Variants in ARHGAP26 observed in about 807,000 individuals in gnomAD.
The protein encoded by ARHGAP26 is Rho GTPase activating protein 26, also known as rho GTPase-activating protein 26.
In ARHGAP26, 38 loss-of-function variants were observed where a neutral mutation model predicts 104.8. The ratio of observed to expected loss-of-function variants is 0.36; its 90% CI spans 0.28 to 0.48. The LOEUF is 0.48. ARHGAP26 is among the 20% of genes least tolerant of loss of function. The probability of loss-of-function intolerance (pLI) is 0.99; values close to 1 mark genes in which losing one functional copy is unlikely to be tolerated. For missense variants in ARHGAP26, 704 were observed against 947.9 expected (o/e 0.74, Z 3.38); for synonymous variants, 341 against 340.0 (o/e 1.00, Z -0.03).
At chr5:142,941,100 AG>A (rs1249528370) in intron 11 of ARHGAP26, among the ~76,000 whole-genome samples, 2,155 of 133,298 alleles carry the variant, frequency 0.016, 317 homozygotes, top group African/African-American at 0.052. Flanking sequence ...AAAAAAAAAA[AG>A]AATCTATATT....
At chr5:143,147,015 A>G (rs990655303) in intron 19 of ARHGAP26, among the ~76,000 whole-genome samples, 1 of 152,192 alleles carries the variant, frequency 6.6e-6, no homozygotes, top group Non-Finnish European at 1.5e-5. Context: ...TGTTATGACG[A>G]GGAAAGGGGT....
At chr5:143,000,035 GCA>G (rs1334931657) in intron 11 of ARHGAP26, among the ~76,000 whole-genome samples, 1 of 152,128 alleles carries the variant, frequency 6.6e-6, no homozygotes, top group Admixed American at 6.5e-5. Context: ...TCAGAAAAAT[GCA>G]GTTTGAGACT....
intron 6 of ARHGAP26, 116 bp from the exon 7 acceptor site, chr5:142,901,819 G>C (rs1032636325): frequency 1.3e-6 from 1 of 789,596 alleles, no homozygotes; most frequent in Non-Finnish European, 2.1e-6. Flanking sequence ...TTAAATGTCA[G>C]CCATTATTAT....
chr5:143,213,098 TCG>T (rs1335612283), intron 21 of ARHGAP26, among the ~76,000 whole-genome samples: 48 of 152,218 alleles, frequency 3.2e-4, no homozygotes, highest in African/African-American at 1.1e-3. Flanking sequence ...TGAGCCGAGA[TCG>T]CACCACTGCA....
At chr5:143,207,575 C>T (rs1808768526) in intron 21 of ARHGAP26, 1 of 1,417,252 alleles carries the variant, frequency 7.1e-7, no homozygotes, top group Admixed American at 2.0e-5. Context: ...CCTAAGAGAC[C>T]AGAGCTAAAA....
intron 2 of ARHGAP26, 109 bp from the exon 3 acceptor site, chr5:142,875,001 A>C: frequency 2.3e-6 from 2 of 869,156 alleles, no homozygotes; most frequent in Non-Finnish European, 3.8e-6. Flanking sequence ...GACTTTAGGC[A>C]TCTGTATGTG....
chr5:143,094,155 C>T (rs767176370), intron 17 of ARHGAP26, among the ~76,000 whole-genome samples: 33 of 152,332 alleles, frequency 2.2e-4, no homozygotes, highest in Non-Finnish European at 4.0e-4. Flanking sequence ...AATGCTTTAC[C>T]GCCCCTGCGG....
At chr5:142,806,845 A>T (rs1763085899) in intron 1 of ARHGAP26, among the ~76,000 whole-genome samples, 1 of 152,218 alleles carries the variant, frequency 6.6e-6, no homozygotes, top group Non-Finnish European at 1.5e-5. Context: ...GCATATTTGG[A>T]ACTAACCAGC....
intron 11 of ARHGAP26, among the ~76,000 whole-genome samples, chr5:142,965,082 CAGAG>C (rs1771076621): frequency 2.6e-5 from 4 of 152,166 alleles, no homozygotes; most frequent in African/African-American, 9.7e-5. Context: ...GGAGAGGAGA[CAGAG>C]AGAAAGACAG....
intron 1 of ARHGAP26, among the ~76,000 whole-genome samples, chr5:142,796,941 C>G (rs1183308173): frequency 6.6e-6 from 1 of 152,198 alleles, no homozygotes; most frequent in East Asian, 1.9e-4. Flanking sequence ...TCCGTTTCCA[C>G]TGGGAAGCTC....
chr5:142,968,849 G>A (rs941870932), intron 11 of ARHGAP26, among the ~76,000 whole-genome samples: 20 of 152,260 alleles, frequency 1.3e-4, no homozygotes, highest in African/African-American at 4.3e-4. Flanking sequence ...CATAATAGAT[G>A]CTCAACAAAT....
chr5:142,879,357 CTGT>C lies in ARHGAP26; in HGVS notation c.313-12_313-10del. ...GCTTTTGTGTCTTCTTTCCCTTACTCTGTTGTTCTTCACCAGATTGAGAATGCC... is the reference window on the plus strand; with the variant it reads ...GCTTTTGTGTCTTCTTTCCCTTACTCTGTTCTTCACCAGATTGAGAATGCC... On this transcript the variant is annotated splice_polypyrimidine_tract_variant and intron_variant, in intron 3 of 22. Transcript: ENST00000645722. 3 of 1,612,348 alleles carry C rather than the reference CTGT, an allele frequency of 1.9e-6. No individual in the cohort carries two copies. Among genetic ancestry groups the C allele is most frequent in the Non-Finnish European group, 1.7e-6 (2 of 1,178,376 alleles).
At chr5:143,076,115 C>T (rs1032568824) in intron 17 of ARHGAP26, among the ~76,000 whole-genome samples, 3 of 151,862 alleles carry the variant, frequency 2.0e-5, no homozygotes, top group East Asian at 3.9e-4. Flanking sequence ...TCCTTACCCT[C>T]CCAAGTAACT....
intron 20 of ARHGAP26, among the ~76,000 whole-genome samples, chr5:143,176,928 A>G (rs1333642281): frequency 6.6e-6 from 1 of 152,242 alleles, no homozygotes; most frequent in Non-Finnish European, 1.5e-5. Context: ...CATGTAAAGT[A>G]TATAACTAGT....
At chr5:143,080,854 G>A (rs544157333) in intron 17 of ARHGAP26, among the ~76,000 whole-genome samples, 19 of 152,168 alleles carry the variant, frequency 1.2e-4, no homozygotes, top group Non-Finnish European at 1.3e-4. Context: ...AGGAGCTAGT[G>A]TGGTGTTGGG....
At chr5:142,800,046 A>G (rs1761751902) in intron 1 of ARHGAP26, among the ~76,000 whole-genome samples, 1 of 152,238 alleles carries the variant, frequency 6.6e-6, no homozygotes, top group African/African-American at 2.4e-5. Flanking sequence ...TTAAGTTGGT[A>G]CCTTCTTATC....
chr5:142,947,959 A>G (rs942155368), intron 11 of ARHGAP26, among the ~76,000 whole-genome samples: 1 of 152,144 alleles, frequency 6.6e-6, no homozygotes, highest in African/African-American at 2.4e-5. Flanking sequence ...GTTTGAGGCT[A>G]TAGTGTGCTG....
chr5:143,004,245 G>A (rs1195843823), intron 11 of ARHGAP26, among the ~76,000 whole-genome samples: 1 of 152,136 alleles, frequency 6.6e-6, no homozygotes, highest in Non-Finnish European at 1.5e-5. Flanking sequence ...TATTAAGTTA[G>A]GTTACAGTTA....
intron 1 of ARHGAP26, among the ~76,000 whole-genome samples, chr5:142,822,232 T>G (rs940039379): frequency 3.5e-5 from 5 of 140,992 alleles, no homozygotes; most frequent in African/African-American, 1.4e-4. Context: ...TAGGGCAGTT[T>G]AGTCTTAATT....
Sources: gnomAD v4.1 joint callset for allele counts (sites outside exome capture counted in the v4.1 genomes callset) on GRCh38, gnomAD v4.1.1 for gene constraint, MANE v1.5 for transcripts, NCBI Gene and HGNC (gene_info 2026-07-23, HGNC 2026-07-21) for gene names.